The following FRMD4B variants were observed in gnomAD, a reference collection of about 807,000 sequenced individuals.
FRMD4B encodes the protein FERM domain-containing protein 4B.
A neutral mutation model predicts 141.5 loss-of-function variants in FRMD4B; 74 were observed. The observed-to-expected ratio is 0.52, with a 90% CI of 0.43 to 0.63. The LOEUF (loss-of-function observed/expected upper bound fraction) is 0.63, where lower values mean the gene tolerates loss of function less well. FRMD4B is among the 30% of genes least tolerant of loss of function. FRMD4B has a pLI of 0.00. For missense variants in FRMD4B, 1,366 were observed against 1,253.4 expected, an observed-to-expected ratio of 1.09 and a Z score of -1.36; for synonymous variants, 506 against 467.9, an observed-to-expected ratio of 1.08 and a Z score of -1.05.
chr3:69,418,541 G>A (rs562505285), intron 2 of FRMD4B, among the ~76,000 whole-genome samples: 13 of 152,194 alleles, frequency 8.5e-5, no homozygotes, highest in Admixed American at 2.0e-4. Flanking sequence ...AGATTAGAGC[G>A]AAAGACGTTC....
At chr3:69,280,398 G>A (rs2107001439) in intron 5 of FRMD4B, among the ~76,000 whole-genome samples, 1 of 152,134 alleles carries the variant, frequency 6.6e-6, no homozygotes. Flanking sequence ...TTTCTTACAG[G>A]TTCTCTTCCA....
chr3:69,510,930 A>G (rs1194545712), intron 1 of FRMD4B, among the ~76,000 whole-genome samples: 1 of 152,240 alleles, frequency 6.6e-6, no homozygotes, highest in Non-Finnish European at 1.5e-5. Flanking sequence ...CTTATAGTTG[A>G]CCAATAAATC....
At position 69,195,252 on chromosome 3, in the gene FRMD4B, C is replaced by T. The variant is rs1462681353; in HGVS notation, c.1347G>A (p.Lys449=). 6.2e-7 allele frequency: 1 copy of T among 1,613,130 alleles called. No homozygotes were observed. The highest frequency in any genetic ancestry group is 8.5e-7 in the Non-Finnish European group (1 of 1,179,698). The change falls in exon 15 of 23, where the codon AAG becomes AAA. Residue 449 remains lysine (K), a synonymous_variant. Coordinates refer to ENST00000398540, the MANE Select transcript of FRMD4B (RefSeq NM_015123.3). ...EKLLKKVEEL[K]KICLREAELT... Reference sequence around the variant, plus strand: ...TCACAGCCTCCCGCAGACAGATCTTCTTAAGCTCCTCAACTTTTTTCAGAA... The same window carrying T: ...TCACAGCCTCCCGCAGACAGATCTTTTTAAGCTCCTCAACTTTTTTCAGAA...
intron 2 of FRMD4B, among the ~76,000 whole-genome samples, chr3:69,418,881 A>G (rs1249110178): frequency 6.6e-6 from 1 of 151,924 alleles, no homozygotes; most frequent in Non-Finnish European, 1.5e-5. Flanking sequence ...ATATACATAT[A>G]TGTTGTTTAA....
rs184631515 is a variant in FRMD4B, at chr3:69,431,473, C to G, written c.-1+1161G>C. ...CTTCCACATCTTTGCCCCTTTAAAA[C>G]AAACAACTGAAATTTCCATCCCTGA... On this transcript the variant is annotated intron_variant, in intron 2 of 5. Transcript: ENST00000459638. 1.8e-3 allele frequency among the ~76,000 whole-genome samples: 267 copies of G among 152,286 alleles called. 3 individuals carry two copies. Among genetic ancestry groups the G allele is most frequent in the Non-Finnish European group, 1.0e-3 (71 of 68,006 alleles).
At chr3:69,225,577 C>T (rs1027551646) in intron 7 of FRMD4B, among the ~76,000 whole-genome samples, 5 of 145,484 alleles carry the variant, frequency 3.4e-5, no homozygotes, top group Non-Finnish European at 7.5e-5. Context: ...TGCCTATAGT[C>T]CCAGCTACTT....
chr3:69,402,403 A>G (rs1301618489), intron 2 of FRMD4B, among the ~76,000 whole-genome samples: 1 of 152,122 alleles, frequency 6.6e-6, no homozygotes, highest in African/African-American at 2.4e-5. Flanking sequence ...CTACCTCAGG[A>G]TATCTTAACA....
At chr3:69,380,910 T>A (rs1704102939) in intron 1 of FRMD4B, among the ~76,000 whole-genome samples, 1 of 152,186 alleles carries the variant, frequency 6.6e-6, no homozygotes, top group South Asian at 2.1e-4. Context: ...GTGTTGATTA[T>A]TTTTTTCTGT....
intron 1 of FRMD4B, among the ~76,000 whole-genome samples, chr3:69,526,680 G>T (rs1309858578): frequency 6.6e-6 from 1 of 152,114 alleles, no homozygotes; most frequent in Non-Finnish European, 1.5e-5. Context: ...GGACTGGACA[G>T]CTTTAAATAA....
chr3:69,228,987 T>G (rs1023009852), intron 7 of FRMD4B, among the ~76,000 whole-genome samples: 1 of 151,064 alleles, frequency 6.6e-6, no homozygotes, highest in Non-Finnish European at 1.5e-5. Flanking sequence ...TCGCTACTTG[T>G]GGAATCTTGA....
chr3:69,478,706 A>G (rs558668972), intron 1 of FRMD4B, among the ~76,000 whole-genome samples: 1 of 152,324 alleles, frequency 6.6e-6, no homozygotes, highest in East Asian at 1.9e-4. Flanking sequence ...AGAGTTCGGT[A>G]GATGTCTATT....
chr3:69,184,831 A>G (rs1265754849), intron 19 of FRMD4B, among the ~76,000 whole-genome samples: 1 of 152,198 alleles, frequency 6.6e-6, no homozygotes, highest in East Asian at 1.9e-4. Flanking sequence ...GAGCATTTGA[A>G]TTGTGGCTAG....
At chr3:69,365,509 T>TGTTTTGG (rs141410851) in intron 1 of FRMD4B, among the ~76,000 whole-genome samples, 1 of 142,012 alleles carries the variant, frequency 7.0e-6, no homozygotes, top group South Asian at 2.1e-4. Flanking sequence ...ACCTTTGTTT[T>TGTTTTGG]TTTTCTTTTT....
chr3:69,507,280 T>G (rs1706612281), intron 1 of FRMD4B, among the ~76,000 whole-genome samples: 1 of 152,200 alleles, frequency 6.6e-6, no homozygotes, highest in Non-Finnish European at 1.5e-5. Context: ...CTTCAACCTT[T>G]GCCTCTAAAA....
At chr3:69,399,748 C>T (rs1209073447) in intron 2 of FRMD4B, among the ~76,000 whole-genome samples, 3 of 152,186 alleles carry the variant, frequency 2.0e-5, no homozygotes, top group Non-Finnish European at 2.9e-5. Context: ...TCCCTCAAAG[C>T]AGGTGAGTGC....
At chr3:69,258,605 T>G (rs909517426) in intron 5 of FRMD4B, among the ~76,000 whole-genome samples, 3 of 152,204 alleles carry the variant, frequency 2.0e-5, no homozygotes. Flanking sequence ...CAAATGCATA[T>G]TATTTACTAT....
At chr3:69,427,849 T>G (rs1459478592) in intron 2 of FRMD4B, among the ~76,000 whole-genome samples, 1 of 151,712 alleles carries the variant, frequency 6.6e-6, no homozygotes, top group African/African-American at 2.4e-5. Context: ...AGAGACTGGG[T>G]TTCACCATGT....
At chr3:69,227,079 T>C (rs1414461929) in intron 7 of FRMD4B, among the ~76,000 whole-genome samples, 1 of 152,236 alleles carries the variant, frequency 6.6e-6, no homozygotes. Flanking sequence ...TATTGAAAGA[T>C]GAAGTTTAGT....
At chr3:69,480,423 A>T (rs574748495) in intron 1 of FRMD4B, among the ~76,000 whole-genome samples, 1 of 152,178 alleles carries the variant, frequency 6.6e-6, no homozygotes, top group African/African-American at 2.4e-5. Flanking sequence ...TTTCCTTCTA[A>T]CAGACAGGAC....
Sources: gnomAD v4.1 joint callset for allele counts (sites outside exome capture counted in the v4.1 genomes callset) on GRCh38, gnomAD v4.1.1 for gene constraint, MANE v1.5 for transcripts, NCBI Gene and HGNC (gene_info 2026-07-23, HGNC 2026-07-21) for gene names.